Variants in PSD3 observed in about 807,000 individuals in gnomAD.
PSD3 encodes pleckstrin and Sec7 domain containing 3.
In PSD3, 49 loss-of-function variants were observed where a neutral mutation model predicts 105.5. The observed-to-expected ratio is 0.46, with a 90% confidence interval of 0.37 to 0.59. The LOEUF (loss-of-function observed/expected upper bound fraction) is 0.59. Among genes scored for constraint, PSD3 ranks in the 20% least tolerant of loss-of-function variants. The pLI is 0.00. For synonymous variants in PSD3, 557 were observed against 457.8 expected (o/e 1.22, Z -2.77); for missense variants, 1,561 against 1,263.8 (o/e 1.24, Z -3.57).
chr8:18,930,922 A>AG (rs2129468510), intron 2 of PSD3, among the ~76,000 whole-genome samples: 1 of 152,272 alleles, frequency 6.6e-6, no homozygotes, highest in South Asian at 2.1e-4. Context: ...AGTGTGTACG[A>AG]GCTCAGTAGC....
chr8:18,725,487 T>C (rs1803282908), intron 9 of PSD3, among the ~76,000 whole-genome samples: 1 of 152,154 alleles, frequency 6.6e-6, no homozygotes, highest in Non-Finnish European at 1.5e-5. Flanking sequence ...TAGCTTTTGA[T>C]TTCTGGAACC....
intron 1 of PSD3, among the ~76,000 whole-genome samples, chr8:18,938,037 G>A (rs982818272): frequency 4.6e-5 from 7 of 152,232 alleles, no homozygotes; most frequent in Admixed American, 6.5e-5. Flanking sequence ...GATGAAGAGT[G>A]TAGCTCAAGG....
chr8:18,697,861 T>A (rs1801345425), intron 9 of PSD3, among the ~76,000 whole-genome samples: 1 of 152,154 alleles, frequency 6.6e-6, no homozygotes, highest in African/African-American at 2.4e-5. Context: ...CAAACAAAAA[T>A]CCATTTCATC....
At chr8:18,891,793 A>C (rs1298704048) in intron 2 of PSD3, among the ~76,000 whole-genome samples, 3 of 152,238 alleles carry the variant, frequency 2.0e-5, no homozygotes, top group Non-Finnish European at 4.4e-5. Context: ...AATAATCAAA[A>C]GAGGATCCCT....
intron 1 of PSD3, among the ~76,000 whole-genome samples, chr8:18,966,069 T>C (rs1255195140): frequency 6.6e-6 from 1 of 152,192 alleles, no homozygotes; most frequent in Non-Finnish European, 1.5e-5. Context: ...CTGTATAACT[T>C]TTCCCAGGAT....
chr8:18,967,793 G>T (rs1433244964), intron 1 of PSD3, among the ~76,000 whole-genome samples: 1 of 152,220 alleles, frequency 6.6e-6, no homozygotes, highest in Non-Finnish European at 1.5e-5. Context: ...ATGGAGGCAT[G>T]TGAAAGATAC....
intron 8 of PSD3, among the ~76,000 whole-genome samples, chr8:18,781,588 G>T (rs768931870): frequency 6.6e-6 from 1 of 152,022 alleles, no homozygotes; most frequent in Non-Finnish European, 1.5e-5. Context: ...AGTGTGATAG[G>T]GATACTCTTC....
chr8:18,736,765 A>T (rs191399419), intron 9 of PSD3, among the ~76,000 whole-genome samples: 15 of 152,360 alleles, frequency 9.8e-5, no homozygotes, highest in African/African-American at 3.4e-4. Flanking sequence ...TCATAGAAGT[A>T]ATCTTCAAAT....
chr8:18,580,437 T>C (rs1802739222), intron 12 of PSD3, among the ~76,000 whole-genome samples: 1 of 152,042 alleles, frequency 6.6e-6, no homozygotes, highest in Non-Finnish European at 1.5e-5. Context: ...AAAAGTTTAA[T>C]TCCAATTAAA....
At chr8:18,803,188 G>T in intron 6 of PSD3, 1 of 230,384 alleles carries the variant, frequency 4.3e-6, no homozygotes, top group Non-Finnish European at 8.8e-6. Context: ...TCGGGAGGCT[G>T]ATTCAGGAGA....
At chr8:18,666,377 C>T (rs1387486481) in intron 9 of PSD3, among the ~76,000 whole-genome samples, 1 of 152,182 alleles carries the variant, frequency 6.6e-6, no homozygotes, top group Non-Finnish European at 1.5e-5. Flanking sequence ...TAAATGCATA[C>T]GGACACCAAA....
At chr8:18,698,677 G>C (rs767557413) in intron 9 of PSD3, among the ~76,000 whole-genome samples, 1 of 152,034 alleles carries the variant, frequency 6.6e-6, no homozygotes, top group African/African-American at 2.4e-5. Context: ...ACAAGTTTAT[G>C]GTAATTTGAT....
intron 1 of PSD3, among the ~76,000 whole-genome samples, chr8:18,945,503 G>C (rs114884430): frequency 3.3e-5 from 5 of 152,148 alleles, no homozygotes; most frequent in East Asian, 3.8e-4. Flanking sequence ...TAGCCCCTAA[G>C]ACTCCTTTCC....
At chr8:18,617,138 GT>G (rs1297289817) in intron 11 of PSD3, among the ~76,000 whole-genome samples, 1 of 152,108 alleles carries the variant, frequency 6.6e-6, no homozygotes, top group African/African-American at 2.4e-5. Flanking sequence ...TGATGGGGAA[GT>G]TTTTTTCCTG....
chr8:18,779,915 T>C (rs774950487), intron 8 of PSD3, among the ~76,000 whole-genome samples: 4 of 152,214 alleles, frequency 2.6e-5, no homozygotes, highest in Non-Finnish European at 2.9e-5. Flanking sequence ...GACAATATGT[T>C]CTGTAAATGT....
chr8:18,615,941 C>A (rs567557190), intron 11 of PSD3, among the ~76,000 whole-genome samples: 1 of 152,330 alleles, frequency 6.6e-6, no homozygotes, highest in South Asian at 2.1e-4. Flanking sequence ...TGCCTCCGGG[C>A]AAAAACAGCT....
chr8:18,648,455 T>C (rs1808222713), intron 10 of PSD3, among the ~76,000 whole-genome samples: 1 of 152,194 alleles, frequency 6.6e-6, no homozygotes, highest in South Asian at 2.1e-4. Flanking sequence ...ATTTAGGGTA[T>C]CTGGCAGAAG....
intron 1 of PSD3, among the ~76,000 whole-genome samples, chr8:19,030,266 T>G (rs1827718780): frequency 6.6e-6 from 1 of 152,204 alleles, no homozygotes; most frequent in Admixed American, 6.5e-5. Context: ...TTTTGGTGAA[T>G]TACACGATTA....
chr8:18,725,669 TTTTTG>T (rs1435363660), intron 9 of PSD3, among the ~76,000 whole-genome samples: 1 of 152,188 alleles, frequency 6.6e-6, no homozygotes, highest in African/African-American at 2.4e-5. Context: ...TTATTTTTCC[TTTTTG>T]TTTTATTATT....
Sources: allele counts gnomAD v4.1 joint callset (sites outside exome capture counted in the v4.1 genomes callset), GRCh38; gene constraint gnomAD v4.1.1; transcripts MANE v1.5; gene names NCBI Gene and HGNC (gene_info 2026-07-23, HGNC 2026-07-21).